The following DNAH10 variants were observed in gnomAD, a reference collection of about 807,000 sequenced individuals.
The protein encoded by DNAH10 is dynein axonemal heavy chain 10, also known as axonemal beta dynein heavy chain 10.
Under a neutral mutation model 506.6 loss-of-function variants are expected in DNAH10, and 348 were observed. That is an observed-to-expected ratio of 0.69 (90% CI 0.63 to 0.75). The LOEUF is 0.75. DNAH10 is among the 30% of genes least tolerant of loss of function. The pLI is 0.00. For missense variants in DNAH10, 5,179 were observed against 5,787.1 expected, an observed-to-expected ratio of 0.89 and a Z score of 3.41; for synonymous variants, 2,059 against 2,198.6, an observed-to-expected ratio of 0.94 and a Z score of 1.78.
In DNAH10 at chr12:123,794,136, C is replaced by T. The variant is rs550012964; in HGVS notation, c.1986+24C>T. The T allele has an allele frequency of 1.9e-5, 22 of 1,143,558 alleles. No homozygotes were observed. In the East Asian group the frequency reaches 1.5e-3, roughly 80 times the overall value. The allele number at this position is 1,143,558 out of a possible 1,614,324, so 70.8% of individuals were successfully genotyped here. On this transcript the variant is annotated intron_variant, in intron 12 of 78. Transcript: ENST00000673944. ...AGGTAATTGAAAAATCGATAGCTGC[C>T]ATAGCATTAAAAATACACTTGGCAA...
chr12:123,908,845 T>C (rs1953929975), intron 57 of DNAH10, among the ~76,000 whole-genome samples: 1 of 151,436 alleles, frequency 6.6e-6, no homozygotes, highest in Non-Finnish European at 1.5e-5. Context: ...TGGGGAGAGA[T>C]AATGGTTGGT....
At chr12:123,852,454 C>T (rs1396834129) in intron 35 of DNAH10, among the ~76,000 whole-genome samples, 3 of 152,126 alleles carry the variant, frequency 2.0e-5, no homozygotes, top group South Asian at 2.1e-4. Flanking sequence ...TGAGTTGGCA[C>T]GATGAGATCT....
chr12:123,857,818 A>T (rs1199938912), intron 37 of DNAH10, among the ~76,000 whole-genome samples: 3 of 152,210 alleles, frequency 2.0e-5, no homozygotes, highest in Non-Finnish European at 4.4e-5. Context: ...CCATCTCTGG[A>T]ACGTTTTCAT....
Position 123,808,840 on chromosome 12 carries a change from C to T in DNAH10, c.3031C>T (p.Leu1011=). 5 of 1,614,190 alleles carry T rather than the reference C, an allele frequency of 3.1e-6. No individual in the cohort carries two copies. The highest frequency in any genetic ancestry group is 4.2e-6 in the Non-Finnish European group (5 of 1,180,028). Residue 1011 remains leucine (L), a synonymous_variant, in exon 19 of 79, where the codon CTG becomes TTG. Coordinates refer to ENST00000673944, the MANE Select transcript of DNAH10 (RefSeq NM_001372106.1). ...TTCTTTGATCCTTGGAAATGTCCCT[C>T]TGTTCCACACTGAAACCATTCTGAC... ...FNSLILGNVP[L]FHTETILTAP...
chr12:123,775,518 G>A (rs1957407065), intron 5 of DNAH10, among the ~76,000 whole-genome samples: 1 of 152,214 alleles, frequency 6.6e-6, no homozygotes. Context: ...ATATTGAACT[G>A]AGACCCAAAT....
chr12:123,827,446 C>A (rs756696062), intron 25 of DNAH10, among the ~76,000 whole-genome samples: 4 of 152,206 alleles, frequency 2.6e-5, no homozygotes, highest in Non-Finnish European at 4.4e-5. Context: ...GGGCTTGCCC[C>A]GTTTCAAGTG....
intron 24 of DNAH10, 25 bp from the exon 25 acceptor site, chr12:123,826,662 G>A (rs1241494170): frequency 1.3e-6 from 2 of 1,598,778 alleles, no homozygotes; most frequent in African/African-American, 1.3e-5. Flanking sequence ...CTTTGTTGAT[G>A]GAGCTGTTCC....
rs757734751 is a variant in DNAH10 at position 123,819,059 on chromosome 12, T to C, written c.3890T>C (p.Phe1297Ser). Residue 1297 changes from phenylalanine to serine, a missense_variant, in exon 22 of 79, where the codon TTC becomes TCC. Physicochemically the swap from Phe to Ser is radical, Grantham distance 155. Coordinates refer to ENST00000673944, the MANE Select transcript of DNAH10 (RefSeq NM_001372106.1). ...EHALGDIKRTFTELTRGEIMN... is the reference protein window; with the variant it reads ...EHALGDIKRTSTELTRGEIMN... ...GCTCTTGGGGACATAAAGAGAACTT[T>C]CACAGAGGTACCTTTTAAATTTCAC... 21 of 1,601,682 alleles carry C rather than the reference T, an allele frequency of 1.3e-5. No individual in the cohort carries two copies. The African/African-American group carries it at 2.3e-4, about 17-fold the overall frequency.
In DNAH10 at chr12:123,931,863, A is replaced by T. The variant is rs1309317126; in HGVS notation, c.13128+16A>T. 1 of 1,613,542 alleles carries T rather than the reference A, an allele frequency of 6.2e-7. No homozygotes were observed. Among genetic ancestry groups the T allele is most frequent in the Admixed American group, 1.7e-5 (1 of 60,010 alleles). On this transcript the variant is annotated intron_variant, in intron 75 of 78. Coordinates refer to ENST00000673944, the MANE Select transcript of DNAH10 (RefSeq NM_001372106.1). Reference sequence around the variant, plus strand: ...ACTTCAAAGGGTGAGCCTGTCTCTCATGTGCAGATTACTGCCTAGATACGT... The same window carrying T: ...ACTTCAAAGGGTGAGCCTGTCTCTCTTGTGCAGATTACTGCCTAGATACGT...
At chr12:123,783,026 C>T (rs1957721693) in intron 6 of DNAH10, 81 bp from the exon 7 acceptor site, 1 of 1,421,134 alleles carries the variant, frequency 7.0e-7, no homozygotes, top group Admixed American at 1.8e-5. Flanking sequence ...TGAGAGACGA[C>T]CCAGCCGGTG....
intron 24 of DNAH10, 33 bp downstream of exon 24, chr12:123,820,791 C>A: frequency 6.2e-7 from 1 of 1,608,346 alleles, no homozygotes; most frequent in Non-Finnish European, 8.5e-7. Flanking sequence ...AGGACTCAGG[C>A]TCACTGAAGG....
rs1379824430 is a variant in DNAH10 at position 123,850,767 on chromosome 12, T to C, written c.6103-121T>C. The C allele has an allele frequency of 2.0e-6, 2 of 982,124 alleles. No individual in the cohort carries two copies. Among genetic ancestry groups the C allele is most frequent in the Non-Finnish European group, 2.9e-6 (2 of 687,442 alleles). 60.8% of individuals were successfully genotyped at this position (982,124 alleles called of 1,614,324 possible). A position where few individuals can be genotyped will look rare whatever the true frequency, so the allele number is the denominator to read the frequency against. On this transcript the variant is annotated intron_variant, in intron 34 of 78. Transcript: ENST00000673944. The surrounding 1 kb of genome is among the most constrained non-coding windows in gnomAD (Gnocchi z 5.5). Reference sequence around the variant, plus strand: ...CGGGGAGGGAAAAAGAGACAAGTGGTGTTGTCAGCCTCATACCATGAAAAT... The same window carrying C: ...CGGGGAGGGAAAAAGAGACAAGTGGCGTTGTCAGCCTCATACCATGAAAAT...
intron 16 of DNAH10, among the ~76,000 whole-genome samples, chr12:123,802,911 T>C (rs1026316932): frequency 2.6e-5 from 4 of 152,180 alleles, no homozygotes; most frequent in Non-Finnish European, 5.9e-5. Flanking sequence ...GCCTATTTTC[T>C]AATTAGATTG....
intron 4 of DNAH10, 37 bp downstream of exon 4, chr12:123,772,979 G>A: frequency 3.4e-6 from 5 of 1,461,942 alleles, no homozygotes; most frequent in Non-Finnish European, 4.7e-6. Flanking sequence ...TGTGTGTTGA[G>A]GGGGTGTGGT....
At chr12:123,859,447 T>C (rs1186264767) in intron 38 of DNAH10, among the ~76,000 whole-genome samples, 179 bp downstream of exon 38, 1 of 152,228 alleles carries the variant, frequency 6.6e-6, no homozygotes, top group Non-Finnish European at 1.5e-5. Context: ...AGTTAAGATA[T>C]TTTAGAATGC....
At chr12:123,768,623 G>A (rs1957137736) in intron 2 of DNAH10, among the ~76,000 whole-genome samples, 3 of 152,214 alleles carry the variant, frequency 2.0e-5, no homozygotes, top group Non-Finnish European at 4.4e-5. Context: ...CACTCATGCA[G>A]GCGATGTCTC....
chr12:123,769,922 G>GTGT (rs1957185626), intron 2 of DNAH10, among the ~76,000 whole-genome samples: 1 of 140,002 alleles, frequency 7.1e-6, no homozygotes, highest in African/African-American at 2.7e-5. Flanking sequence ...CCTGGCTAAG[G>GTGT]TTTTTTTTTT....
chr12:123,924,171 CCTT>C lies in DNAH10; in HGVS notation c.11612-103_11612-101del, dbSNP rs200779727. On this transcript the variant is annotated intron_variant, in intron 66 of 78. Transcript: ENST00000673944. ...CTGGGCCACTTCCTGTTTCCAGTCTCCTTCTTGAAAAGTGGACTTTTCCCAAAA... is the reference window on the plus strand; with the variant it reads ...CTGGGCCACTTCCTGTTTCCAGTCTCCTTGAAAAGTGGACTTTTCCCAAAA... 1.0e-4 allele frequency: 144 copies of C among 1,406,608 alleles called. No individual in the cohort carries two copies. The East Asian group carries it at 3.3e-3, about 33-fold the overall frequency. The allele number at this position is 1,406,608 out of a possible 1,614,324, so 87.1% of individuals were successfully genotyped here. A position where few individuals can be genotyped will look rare whatever the true frequency, so the allele number is the denominator to read the frequency against.
chr12:123,824,914 C>T (rs564469006), intron 24 of DNAH10, among the ~76,000 whole-genome samples: 3 of 152,196 alleles, frequency 2.0e-5, no homozygotes, highest in African/African-American at 2.4e-5. Flanking sequence ...TCTGGGTGGA[C>T]GTGCATTTTT....
Sources: allele counts gnomAD v4.1 joint callset (sites outside exome capture counted in the v4.1 genomes callset), GRCh38; gene constraint gnomAD v4.1.1; non-coding constraint Gnocchi (gnomAD v3.1); transcripts MANE v1.5; gene names NCBI Gene and HGNC (gene_info 2026-07-23, HGNC 2026-07-21).